DNAAF3: variants seen among roughly 807,000 people sequenced by gnomAD.
DNAAF3 encodes dynein axonemal assembly factor 3.
Under a neutral mutation model 50.9 loss-of-function variants are expected in DNAAF3, and 40 were observed. The ratio of observed to expected loss-of-function variants is 0.79; its 90% CI spans 0.61 to 1.02. The LOEUF (loss-of-function observed/expected upper bound fraction) is 1.02, where lower values mean the gene tolerates loss of function less well. DNAAF3 is among the 50% of genes least tolerant of loss of function. The pLI, the probability that DNAAF3 is intolerant of heterozygous loss-of-function variation, is 0.00. For synonymous variants in DNAAF3, 327 were observed against 322.8 expected (o/e 1.01, Z -0.14); for missense variants, 763 against 744.7 (o/e 1.02, Z -0.29).
In DNAAF3 at chr19:55,162,292, T is replaced by A. The variant is rs1391750726; in HGVS notation, c.323-2A>T. On this transcript the variant is annotated splice_acceptor_variant, in intron 4 of 11. Coordinates refer to ENST00000524407, the MANE Select transcript of DNAAF3 (RefSeq NM_001256715.2). LOFTEE classifies it high-confidence loss of function. ...CTTCCAGGAAGGTCTCGCTTCGCTC[T>A]ACGGAGAGAGGGAGATAATTGCGGG... The A allele has an allele frequency of 8.0e-7, 1 of 1,249,864 alleles. No homozygotes were observed. The highest frequency in any genetic ancestry group is 3.2e-5 in the East Asian group (1 of 31,720). The allele number at this position is 1,249,864 out of a possible 1,614,324, so 77.4% of individuals were successfully genotyped here.
In DNAAF3 at chr19:55,165,992, C is replaced by A. The variant is rs1319982930; in HGVS notation, c.94G>T (p.Val32Leu). The A allele has an allele frequency of 1.9e-6, 3 of 1,614,110 alleles. No individual in the cohort carries two copies. The East Asian group carries it at 6.7e-5, about 36-fold the overall frequency. ...GTATCGGCCTGGGAGTCTGGGTCCA[C>A]AGGAGGACCTGGCAAGATGACAGCT... is the stretch of plus-strand genomic sequence containing the variant. ...ALDLQAESPP[V>L]DPDSQADTVH... The change falls in exon 3 of 12, where the codon GTG (valine) becomes TTG (leucine). Residue 32 changes from valine to leucine, a missense_variant. Physicochemically the swap from Val to Leu is conservative, Grantham distance 32. Transcript: ENST00000524407.
chr19:55,165,769 T>C (rs2085927732), intron 3 of DNAAF3, 89 bp downstream of exon 3: 1 of 1,543,324 alleles, frequency 6.5e-7, no homozygotes, highest in African/African-American at 1.4e-5. Flanking sequence ...CTCCAGCCCC[T>C]TCATTCCTGG....
At chr19:55,164,000 A>T (rs2085891361) in intron 4 of DNAAF3, among the ~76,000 whole-genome samples, 1 of 152,128 alleles carries the variant, frequency 6.6e-6, no homozygotes, top group Non-Finnish European at 1.5e-5. Context: ...TGTTCTCGTG[A>T]TAGTGAGTTC....
At position 55,166,187 on chromosome 19, in the gene DNAAF3, G is replaced by T; in HGVS notation, c.85+142C>A. ...CAGACAGGACCTCGGGGCTGCCCCT[G>T]GGAGCGCGCCCTCTGCCGCTGGAGC... On this transcript the variant is annotated intron_variant, in intron 2 of 11. Coordinates refer to ENST00000524407, the MANE Select transcript of DNAAF3 (RefSeq NM_001256715.2). The surrounding 1 kb of genome is among the most constrained non-coding windows in gnomAD (Gnocchi z 4.0). 1 of 1,548,402 alleles carries T rather than the reference G, an allele frequency of 6.5e-7. No homozygotes were observed.
intron 4 of DNAAF3, among the ~76,000 whole-genome samples, chr19:55,164,218 C>T (rs574556521): frequency 6.6e-6 from 1 of 152,154 alleles, no homozygotes; most frequent in Admixed American, 6.6e-5. Context: ...TGATCGCACC[C>T]GCCTGTAAAC....
At position 55,160,752 on chromosome 19, in the gene DNAAF3, G is replaced by C. The variant is rs1257841129; in HGVS notation, c.936C>G (p.His312Gln). The C allele has an allele frequency of 1.2e-6, 2 of 1,611,918 alleles. No individual in the cohort carries two copies. Among genetic ancestry groups the C allele is most frequent in the East Asian group, 2.2e-5 (1 of 44,850 alleles). ...PVKTAGEITQHNVTELLRDVA... is the reference protein window; with the variant it reads ...PVKTAGEITQQNVTELLRDVA... ...CGTCGCGGAGCAGCTCCGTCACGTT[G>C]TGTTGAGTGATCTCCCCGGCCGTCT... is the stretch of plus-strand genomic sequence containing the variant. Residue 312 changes from histidine (H) to glutamine (Q), a missense_variant, in exon 9 of 12, where the codon CAC (histidine) becomes CAG (glutamine). His to Gln is a conservative substitution (Grantham distance 24, BLOSUM62 0). Coordinates refer to ENST00000524407, the MANE Select transcript of DNAAF3 (RefSeq NM_001256715.2). This position sits in a 1 kb window ranked among gnomAD's most constrained non-coding sequence, Gnocchi z 4.7.
In DNAAF3 at chr19:55,161,887, T is replaced by C; in HGVS notation, c.481-62A>G. 1 of 1,373,878 alleles carries C rather than the reference T, an allele frequency of 7.3e-7. No individual in the cohort carries two copies. The highest frequency in any genetic ancestry group is 9.4e-7 in the Non-Finnish European group (1 of 1,065,586). 85.1% of individuals were successfully genotyped at this position (1,373,878 alleles called of 1,614,324 possible). A position where few individuals can be genotyped will look rare whatever the true frequency, so the allele number is the denominator to read the frequency against. On this transcript the variant is annotated intron_variant, in intron 5 of 11. Coordinates refer to ENST00000524407, the MANE Select transcript of DNAAF3 (RefSeq NM_001256715.2). The surrounding 1 kb of genome is among the most constrained non-coding windows in gnomAD (Gnocchi z 6.4). ...AGAGAGGGATGCAGGGAGAGCGGAT[T>C]CTAATTGACCCTCTCTTCCATCCCA...
intron 3 of DNAAF3, 188 bp downstream of exon 3, chr19:55,165,670 A>C (rs1026386016): frequency 2.8e-6 from 3 of 1,084,386 alleles, no homozygotes; most frequent in Non-Finnish European, 3.9e-6. Flanking sequence ...TCCCCACTAT[A>C]GAACCCAGGA....
intron 4 of DNAAF3, among the ~76,000 whole-genome samples, chr19:55,165,069 A>G (rs1433812660): frequency 3.0e-5 from 3 of 100,872 alleles, no homozygotes; most frequent in African/African-American, 4.1e-5. Flanking sequence ...TCGCTCTGTC[A>G]CCCTGGCTGG....
At chr19:55,162,455 C>T (rs2085855003) in intron 4 of DNAAF3, 165 bp from the exon 5 acceptor site, 2 of 933,348 alleles carry the variant, frequency 2.1e-6, no homozygotes, top group Non-Finnish European at 2.8e-6. Context: ...GACATGGTGG[C>T]GGGCGCCTGT....
At position 55,161,586 on chromosome 19, in the gene DNAAF3, C is replaced by T; in HGVS notation, c.663+57G>A. ...CCCTCAGACTCAGGAGGCCCCCAGC[C>T]CCTCCTCCCTCAGACCCAGGGGTCC... is the stretch of plus-strand genomic sequence containing the variant. On this transcript the variant is annotated intron_variant, in intron 6 of 11. Coordinates refer to ENST00000524407, the MANE Select transcript of DNAAF3 (RefSeq NM_001256715.2). The surrounding 1 kb of genome is among the most constrained non-coding windows in gnomAD (Gnocchi z 6.4). 1 of 1,488,762 alleles carries T rather than the reference C, an allele frequency of 6.7e-7. No individual in the cohort carries two copies. Among genetic ancestry groups the T allele is most frequent in the Non-Finnish European group, 8.9e-7 (1 of 1,119,596 alleles). 92.2% of individuals were successfully genotyped at this position (1,488,762 alleles called of 1,614,324 possible).
At chr19:55,162,960 A>G (rs1599924925) in intron 4 of DNAAF3, 3 of 125,860 alleles carry the variant, frequency 2.4e-5, no homozygotes, top group South Asian at 2.8e-4. Flanking sequence ...TAGCTACCAC[A>G]CCCAGCTAAT....
intron 3 of DNAAF3, 151 bp from the exon 4 acceptor site, chr19:55,165,614 A>T (rs1049394664): frequency 2.1e-6 from 2 of 957,620 alleles, no homozygotes; most frequent in Non-Finnish European, 3.1e-6. Flanking sequence ...GTGTCCCCAG[A>T]GCTCTCTTCC....
intron 4 of DNAAF3, among the ~76,000 whole-genome samples, chr19:55,163,765 G>A (rs1320487440): frequency 6.6e-6 from 1 of 152,138 alleles, no homozygotes; most frequent in Non-Finnish European, 1.5e-5. Flanking sequence ...CTTAATAGAA[G>A]AGAACTATGT....
At position 55,166,230 on chromosome 19, in the gene DNAAF3, C is replaced by A. The variant is rs1278923192; in HGVS notation, c.85+99G>T. The stretch of plus-strand genomic sequence containing the variant: ...GCTGGAGCGTTGGAGAACGTTAGCG[C>A]CCCCCTTGCCACCGACGCTGGGACT... On this transcript the variant is annotated intron_variant, in intron 2 of 11. Transcript: ENST00000524407. The surrounding 1 kb of genome is among the most constrained non-coding windows in gnomAD (Gnocchi z 4.0). 2 of 1,548,144 alleles carry A rather than the reference C, an allele frequency of 1.3e-6. No individual in the cohort carries two copies. Among genetic ancestry groups the A allele is most frequent in the African/African-American group, 1.4e-5 (1 of 73,008 alleles).
At position 55,161,326 on chromosome 19, in the gene DNAAF3, G is replaced by T; in HGVS notation, c.756C>A (p.Asn252Lys). ...GGAGGCGACCGGACGCCAGGGTCCG[G>T]TTGGGCACATGATAGGCGCTGGAGT... is the stretch of plus-strand genomic sequence containing the variant. ...LRDSSAYHVP[N>K]RTLASGRLLS... The change falls in exon 7 of 12, where the codon AAC becomes AAA. Residue 252 changes from asparagine (N) to lysine (K), a missense_variant. Asn to Lys is a moderately conservative substitution (Grantham distance 94). Coordinates refer to ENST00000524407, the MANE Select transcript of DNAAF3 (RefSeq NM_001256715.2). This position sits in a 1 kb window ranked among gnomAD's most constrained non-coding sequence, Gnocchi z 6.4. The T allele has an allele frequency of 1.2e-6, 2 of 1,611,808 alleles. No homozygotes were observed. The highest frequency in any genetic ancestry group is 1.7e-6 in the Non-Finnish European group (2 of 1,179,096).
At chr19:55,164,453 A>G (rs1327568434) in intron 4 of DNAAF3, among the ~76,000 whole-genome samples, 4 of 152,222 alleles carry the variant, frequency 2.6e-5, no homozygotes, top group Non-Finnish European at 5.9e-5. Context: ...TTGCACTCCA[A>G]TCTGGGCAAC....
At position 55,165,955 on chromosome 19, in the gene DNAAF3, T is replaced by A; in HGVS notation, c.131A>T (p.Asn44Ile). 1 of 1,614,092 alleles carries A rather than the reference T, an allele frequency of 6.2e-7. No individual in the cohort carries two copies. Among genetic ancestry groups the A allele is most frequent in the South Asian group, 1.1e-5 (1 of 91,074 alleles). Residue 44 changes from asparagine to isoleucine, a missense_variant, in exon 3 of 12, where the codon AAC becomes ATC. By Grantham distance (149) the Asn-to-Ile change is moderately radical (BLOSUM62 -3). Coordinates refer to ENST00000524407, the MANE Select transcript of DNAAF3 (RefSeq NM_001256715.2). Reference sequence around the variant, plus strand: ...CAGAAGCAGCACATCTAGCTCGGGGTTGCTGTGCACTGTATCGGCCTGGGA... The same window carrying A: ...CAGAAGCAGCACATCTAGCTCGGGGATGCTGTGCACTGTATCGGCCTGGGA... ...PDSQADTVHS[N>I]PELDVLLLGS...
Position 55,166,357 on chromosome 19 carries a change from C to A in DNAAF3, c.57G>T (p.Leu19=). The change falls in exon 2 of 12, where the codon CTG becomes CTT. Residue 19 remains leucine (L), a synonymous_variant. Coordinates refer to ENST00000524407, the MANE Select transcript of DNAAF3 (RefSeq NM_001256715.2). This position sits in a 1 kb window ranked among gnomAD's most constrained non-coding sequence, Gnocchi z 4.0. ...CAGCCTGCAGGTCCAGCGCCGGGGA[C>A]AGGCCCCACCAGGACACGGAGCCGA... ...SGFGSVSWWG[L]SPALDLQAES... is the part of the protein sequence containing the mutation. The A allele has an allele frequency of 1.2e-6, 2 of 1,613,796 alleles. No individual in the cohort carries two copies. Among genetic ancestry groups the A allele is most frequent in the Non-Finnish European group, 1.7e-6 (2 of 1,179,896 alleles).
Sources: gnomAD v4.1 joint callset for allele counts (sites outside exome capture counted in the v4.1 genomes callset) on GRCh38, gnomAD v4.1.1 for gene constraint, Gnocchi (gnomAD v3.1) non-coding constraint, MANE v1.5 for transcripts, NCBI Gene and HGNC (gene_info 2026-07-23, HGNC 2026-07-21) for gene names.